ARHGEF16: variants seen among roughly 807,000 people sequenced by gnomAD.
ARHGEF16 encodes the protein Rho guanine nucleotide exchange factor 16.
A neutral mutation model predicts 74.1 loss-of-function variants in ARHGEF16; 59 were observed. That is an observed-to-expected ratio of 0.80 (90% CI 0.65 to 0.99). The LOEUF is 0.99. Among genes scored for constraint, ARHGEF16 ranks in the 50% least tolerant of loss-of-function variants. ARHGEF16 has a pLI of 0.00. For synonymous variants in ARHGEF16, 415 were observed against 412.6 expected (o/e 1.01, Z -0.07); for missense variants, 948 against 986.6 (o/e 0.96, Z 0.52).
At position 3,463,154 on chromosome 1, in the gene ARHGEF16, C is replaced by T. The variant is rs562018000; in HGVS notation, c.70C>T (p.Arg24Trp). 80 of 1,504,202 alleles carry T rather than the reference C, an allele frequency of 5.3e-5. No individual in the cohort carries two copies. Among genetic ancestry groups the T allele is most frequent in the Non-Finnish European group, 6.3e-5 (71 of 1,121,342 alleles). The allele number at this position is 1,504,202 out of a possible 1,614,324, so 93.2% of individuals were successfully genotyped here. ...GGGACACCGCTTCCACTCGGAGCTC[C>T]GGCTCGATGCCGGGGGGAACCCAGC... ...LLGHRFHSEL[R>W]LDAGGNPASG... is the part of the protein sequence containing the mutation. Residue 24 changes from arginine (R) to tryptophan (W), a missense_variant, in exon 2 of 15, where the codon CGG becomes TGG. Coordinates refer to ENST00000378378, the MANE Select transcript of ARHGEF16 (RefSeq NM_014448.4).
At chr1:3,461,723 C>T (rs947128674) in intron 1 of ARHGEF16, among the ~76,000 whole-genome samples, 3 of 152,226 alleles carry the variant, frequency 2.0e-5, no homozygotes, top group African/African-American at 7.2e-5. Context: ...GGAAACAGAC[C>T]TCTGGGCCCG....
At chr1:3,477,661 G>A (rs1479180179) in intron 10 of ARHGEF16, among the ~76,000 whole-genome samples, 1 of 1,554 alleles carries the variant, frequency 6.4e-4, no homozygotes, top group Non-Finnish European at 4.2e-3. Flanking sequence ...GGTCTGGTCC[G>A]GCCTGGCGCA....
chr1:3,476,110 C>T, intron 10 of ARHGEF16, 48 bp downstream of exon 10: 1 of 1,529,142 alleles, frequency 6.5e-7, no homozygotes, highest in Non-Finnish European at 8.8e-7. Flanking sequence ...TCCCACTCAG[C>T]CCTCCCTGCT....
chr1:3,458,564 T>C (rs924450701), intron 1 of ARHGEF16, among the ~76,000 whole-genome samples: 2 of 152,196 alleles, frequency 1.3e-5, no homozygotes, highest in Non-Finnish European at 1.5e-5. Flanking sequence ...GGGGGTCCCA[T>C]TGGGCCCTCC....
Position 3,478,512 on chromosome 1 carries a change from G to T in ARHGEF16, c.1714G>T (p.Gly572Cys). Residue 572 changes from glycine (G) to cysteine (C), a missense_variant, in exon 12 of 15, where the codon GGC becomes TGC. Coordinates refer to ENST00000378378, the MANE Select transcript of ARHGEF16 (RefSeq NM_014448.4). ...GCCGTCTGAGCTCCCTCTGCCCGGGGGCGGCAACCGTAGCTCCTCCGTGCC... is the reference window on the plus strand; with the variant it reads ...GCCGTCTGAGCTCCCTCTGCCCGGGTGCGGCAACCGTAGCTCCTCCGTGCC... ...IEPSELPLPG[G>C]GNRSSSVPHP... The T allele has an allele frequency of 6.2e-7, 1 of 1,612,660 alleles. No individual in the cohort carries two copies. Among genetic ancestry groups the T allele is most frequent in the Non-Finnish European group, 8.5e-7 (1 of 1,179,854 alleles).
intron 10 of ARHGEF16, 124 bp downstream of exon 10, chr1:3,476,186 C>A: frequency 9.7e-7 from 1 of 1,033,754 alleles, no homozygotes; most frequent in Non-Finnish European, 1.4e-6. Context: ...CCTCATGAGG[C>A]CTGGGGGCTG....
chr1:3,479,951 G>A (rs373574501), intron 14 of ARHGEF16, 38 bp downstream of exon 14: 84 of 1,597,544 alleles, frequency 5.3e-5, no homozygotes, highest in Middle Eastern at 1.7e-4. Context: ...GGGTGGGAAC[G>A]GACAGGCGGG....
At chr1:3,478,099 G>T in intron 11 of ARHGEF16, 73 bp downstream of exon 11, 1 of 1,597,450 alleles carries the variant, frequency 6.3e-7, no homozygotes, top group Non-Finnish European at 8.6e-7. Context: ...GGGCAGGAGG[G>T]TACAGGGAGT....
At chr1:3,478,301 G>T in intron 11 of ARHGEF16, 123 bp from the exon 12 acceptor site, 1 of 1,147,756 alleles carries the variant, frequency 8.7e-7, no homozygotes, top group Non-Finnish European at 1.3e-6. Context: ...GGGAACTCTT[G>T]GAGCCCGTCC....
Position 3,473,400 on chromosome 1 carries a change from A to G in ARHGEF16, c.1183A>G (p.Asn395Asp), listed in dbSNP as rs1310934694. 2.5e-6 allele frequency: 4 copies of G among 1,607,050 alleles called. No individual in the cohort carries two copies. Among genetic ancestry groups the G allele is most frequent in the Admixed American group, 3.3e-5 (2 of 59,752 alleles). The change falls in exon 8 of 15, where the codon AAC (asparagine) becomes GAC (aspartate). Residue 395 changes from asparagine (N) to aspartate (D), a missense_variant. Physicochemically the swap from Asn to Asp is conservative, Grantham distance 23. Coordinates refer to ENST00000378378, the MANE Select transcript of ARHGEF16 (RefSeq NM_014448.4). ...QRTLQKLISS[N>D]AAFREALREI... is the part of the protein sequence containing the mutation. ...AGCCTTGTCCTCTTGCAGAAGCAGC[A>G]ACGCCGCCTTCCGAGAGGCCCTGAG...
chr1:3,480,211 G>A (rs1327231369), intron 14 of ARHGEF16, among the ~76,000 whole-genome samples: 2 of 152,216 alleles, frequency 1.3e-5, no homozygotes, highest in Non-Finnish European at 2.9e-5. Flanking sequence ...TCCTCATGCC[G>A]GGCAGCGCTG....
At chr1:3,469,845 T>C (rs1256179718) in intron 6 of ARHGEF16, among the ~76,000 whole-genome samples, 1 of 152,104 alleles carries the variant, frequency 6.6e-6, no homozygotes, top group Non-Finnish European at 1.5e-5. Flanking sequence ...CGTGGAGCAC[T>C]TCCCAGGGGT....
At chr1:3,474,504 C>T in intron 8 of ARHGEF16, 1 of 570,296 alleles carries the variant, frequency 1.8e-6, no homozygotes, top group Non-Finnish European at 3.2e-6. Flanking sequence ...AGCTCCTGTT[C>T]CCACTCAACC....
rs912962535 is a variant in ARHGEF16 at position 3,457,412 on chromosome 1, C to A, written c.-20+2601C>A. Among the ~76,000 whole-genome samples, 9 of 152,324 alleles carry A rather than the reference C, an allele frequency of 5.9e-5. No homozygotes were observed. The East Asian group carries it at 1.7e-3, about 29-fold the overall frequency. ...GCTGGAGGCCTGTGCAACATCCTAA[C>A]CGGAGGGGCAGCAAACTTGGGGCAA... is the stretch of plus-strand genomic sequence containing the variant. On this transcript the variant is annotated intron_variant, in intron 1 of 14. Transcript: ENST00000378378.
chr1:3,474,582 T>G (rs1199504109), intron 8 of ARHGEF16, 126 bp from the exon 9 acceptor site: 1 of 848,302 alleles, frequency 1.2e-6, no homozygotes, highest in East Asian at 2.5e-5. Context: ...TGTGGGGCCC[T>G]GCAGGAGCCC....
intron 6 of ARHGEF16, among the ~76,000 whole-genome samples, chr1:3,470,209 G>A (rs1402873647): frequency 6.6e-6 from 1 of 151,786 alleles, no homozygotes; most frequent in African/African-American, 2.4e-5. Context: ...CTGGAGGGTG[G>A]CTCGGGAGCA....
intron 6 of ARHGEF16, among the ~76,000 whole-genome samples, chr1:3,470,966 C>G (rs972288663): frequency 6.4e-5 from 4 of 62,090 alleles, no homozygotes; most frequent in South Asian, 5.7e-4. Flanking sequence ...GTGTGTGTGC[C>G]TGGCCAGGGG....
chr1:3,480,329 G>A, intron 14 of ARHGEF16, 119 bp from the exon 15 acceptor site: 3 of 1,413,840 alleles, frequency 2.1e-6, no homozygotes, highest in Non-Finnish European at 2.9e-6. Flanking sequence ...CTCTGAGCAG[G>A]AGCAGGTGGT....
At chr1:3,462,250 C>T (rs1214650249) in intron 1 of ARHGEF16, among the ~76,000 whole-genome samples, 1 of 152,150 alleles carries the variant, frequency 6.6e-6, no homozygotes, top group Non-Finnish European at 1.5e-5. Flanking sequence ...ATACTGGACT[C>T]TCGGGCTGGT....
Sources: gnomAD v4.1 joint callset for allele counts (sites outside exome capture counted in the v4.1 genomes callset) on GRCh38, gnomAD v4.1.1 for gene constraint, MANE v1.5 for transcripts, NCBI Gene and HGNC (gene_info 2026-07-23, HGNC 2026-07-21) for gene names.